The following GUCY2C variants were observed in gnomAD, a reference collection of about 807,000 sequenced individuals.
GUCY2C encodes the protein guanylate cyclase 2C.
In GUCY2C, 118 loss-of-function variants were observed where a neutral mutation model predicts 131.1. The ratio of observed to expected loss-of-function variants is 0.90; its 90% CI spans 0.78 to 1.05. GUCY2C has a LOEUF of 1.05. Among genes scored for constraint, GUCY2C ranks in the 50% least tolerant of loss-of-function variants. The pLI, the probability that GUCY2C is intolerant of heterozygous loss-of-function variation, is 0.00. For synonymous variants in GUCY2C, 452 were observed against 457.8 expected, an observed-to-expected ratio of 0.99 and a Z score of 0.16; for missense variants, 1,161 against 1,304.4, an observed-to-expected ratio of 0.89 and a Z score of 1.69.
intron 1 of GUCY2C, among the ~76,000 whole-genome samples, chr12:14,692,849 C>CAAAT (rs1948598452): frequency 6.6e-6 from 1 of 151,796 alleles, no homozygotes; most frequent in African/African-American, 2.4e-5. Flanking sequence ...TACTCTGTCC[C>CAAAT]GAATAAATAA....
chr12:14,689,805 A>G (rs1282786605), intron 1 of GUCY2C, among the ~76,000 whole-genome samples: 3 of 152,198 alleles, frequency 2.0e-5, no homozygotes, highest in African/African-American at 4.8e-5. Flanking sequence ...CTGTATTACA[A>G]TTTTTAGACC....
intron 8 of GUCY2C, among the ~76,000 whole-genome samples, 170 bp from the exon 9 acceptor site, chr12:14,673,128 C>T (rs1310822563): frequency 6.6e-6 from 1 of 152,114 alleles, no homozygotes; most frequent in Non-Finnish European, 1.5e-5. Context: ...GGCTTCTTAG[C>T]CCAGAGATCT....
rs1165877954 is a variant in GUCY2C at position 14,673,033 on chromosome 12, G to A, written c.1085-75C>T. ...CAGATAAGTTGGATCATGACAGAGA[G>A]TGTAAAATGGGTTCAAATAGCTCTG... is the stretch of plus-strand genomic sequence containing the variant. On this transcript the variant is annotated intron_variant, in intron 8 of 26. Transcript: ENST00000261170. 6.0e-6 allele frequency: 5 copies of A among 832,806 alleles called. No individual in the cohort carries two copies. In the African/African-American group the frequency reaches 6.7e-5, roughly 11 times the overall value. 51.6% of individuals were successfully genotyped at this position (832,806 alleles called of 1,614,324 possible).
At chr12:14,614,184 G>C (rs911844563) in intron 26 of GUCY2C, among the ~76,000 whole-genome samples, 6 of 152,096 alleles carry the variant, frequency 3.9e-5, no homozygotes, top group African/African-American at 1.4e-4. Flanking sequence ...AGCAAGCCTG[G>C]AACACAACGC....
chr12:14,633,999 T>C (rs1947208498), intron 19 of GUCY2C, among the ~76,000 whole-genome samples: 1 of 152,064 alleles, frequency 6.6e-6, no homozygotes, highest in African/African-American at 2.4e-5. Flanking sequence ...TTTAACAAAA[T>C]AATAGCAAGA....
At chr12:14,630,987 A>G (rs1378558857) in intron 19 of GUCY2C, among the ~76,000 whole-genome samples, 1 of 152,206 alleles carries the variant, frequency 6.6e-6, no homozygotes, top group African/African-American at 2.4e-5. Context: ...GACGAAAGAA[A>G]GGAATGAGGA....
At chr12:14,646,414 G>C (rs907022392) in intron 15 of GUCY2C, among the ~76,000 whole-genome samples, 2 of 152,172 alleles carry the variant, frequency 1.3e-5, no homozygotes, top group Admixed American at 6.5e-5. Context: ...ACAGAGGGGA[G>C]TTATGGGCAG....
At chr12:14,639,824 A>G (rs766511258) in intron 19 of GUCY2C, 38 bp downstream of exon 19, 2 of 1,214,776 alleles carry the variant, frequency 1.6e-6, no homozygotes, top group African/African-American at 1.5e-5. Context: ...GTAATTTTAT[A>G]GCAGGCCAAG....
intron 3 of GUCY2C, among the ~76,000 whole-genome samples, chr12:14,684,589 C>CT (rs781208689): frequency 0.24 from 349 of 1,472 alleles, 21 homozygotes; most frequent in Middle Eastern, 0.5. Context: ...TCCTTCCTTC[C>CT]TTCCTTCCTT....
chr12:14,614,834 T>G lies in GUCY2C; in HGVS notation c.3047+33A>C, dbSNP rs373571879. 747 of 1,372,024 alleles carry G rather than the reference T, an allele frequency of 5.4e-4. 1 individual carries two copies. Among genetic ancestry groups the G allele is most frequent in the Non-Finnish European group, 6.9e-4 (680 of 988,586 alleles). 85.0% of individuals were successfully genotyped at this position (1,372,024 alleles called of 1,614,324 possible). A position where few individuals can be genotyped will look rare whatever the true frequency, so the allele number is the denominator to read the frequency against. ...ACTAACAAAGCCAAGATCTCTAATT[T>G]CCTCCCTGTCCCTGCCACACCCAGA... On this transcript the variant is annotated intron_variant, in intron 26 of 26. Transcript: ENST00000261170.
rs771787305 is a variant in GUCY2C, at chr12:14,625,869, G to A, written c.2296C>T (p.Arg766Ter). Residue 766 changes from arginine to a stop codon, truncating the protein, a stop_gained, in exon 21 of 27, where the codon CGA becomes TGA. Transcript: ENST00000261170. LOFTEE classifies it high-confidence loss of function. The stretch of plus-strand genomic sequence containing the variant: ...TTTCGAGAATATAGCTGTAGACGTC[G>A]GATCAAGGTATCCATATAGCTTTCA... Reference protein sequence around the residue: ...KNESYMDTLIRRLQLYSRNLE... With the variant: ...KNESYMDTLI 19 of 1,613,354 alleles carry A rather than the reference G, an allele frequency of 1.2e-5. No homozygotes were observed. Among genetic ancestry groups the A allele is most frequent in the East Asian group, 1.1e-4 (5 of 44,878 alleles).
At chr12:14,634,179 C>T (rs983398791) in intron 19 of GUCY2C, among the ~76,000 whole-genome samples, 1 of 152,156 alleles carries the variant, frequency 6.6e-6, no homozygotes, top group Non-Finnish European at 1.5e-5. Context: ...ATCAGATTAA[C>T]AGTGAATTTC....
At chr12:14,643,234 A>G (rs548137577) in intron 17 of GUCY2C, among the ~76,000 whole-genome samples, 2 of 152,292 alleles carry the variant, frequency 1.3e-5, no homozygotes, top group South Asian at 4.1e-4. Flanking sequence ...TGTCCTCTAT[A>G]AAGGAAAAAG....
chr12:14,668,706 A>G (rs965969562), intron 10 of GUCY2C, among the ~76,000 whole-genome samples: 10 of 150,932 alleles, frequency 6.6e-5, no homozygotes, highest in Admixed American at 5.3e-4. Context: ...GATTTTTCCT[A>G]GTCACATGGA....
Position 14,614,911 on chromosome 12 carries a change from A to T in GUCY2C, c.3003T>A (p.Thr1001=), listed in dbSNP as rs1304697506. 3.2e-6 allele frequency: 5 copies of T among 1,584,116 alleles called. No individual in the cohort carries two copies. The highest frequency in any genetic ancestry group is 4.3e-6 in the Non-Finnish European group (5 of 1,168,340). Residue 1001 remains threonine, a synonymous_variant, in exon 26 of 27, where the codon ACT becomes ACA. Transcript: ENST00000261170. ...GGTTGAATTTCTGGTCCTTCATCCCAGTCAGCCAGTAGGTAGTCTCATTTC... is the reference window on the plus strand; with the variant it reads ...GGTTGAATTTCTGGTCCTTCATCCCTGTCAGCCAGTAGGTAGTCTCATTTC... ...GRGNETTYWL[T]GMKDQKFNLP...
chr12:14,625,805 T>C lies in GUCY2C; in HGVS notation c.2360A>G (p.Lys787Arg). 1 of 1,614,072 alleles carries C rather than the reference T, an allele frequency of 6.2e-7. No homozygotes were observed. The highest frequency in any genetic ancestry group is 8.5e-7 in the Non-Finnish European group (1 of 1,179,920). ...HLVEERTQLY[K>R]AERDRADRLN... The stretch of plus-strand genomic sequence containing the variant: ...TCTGTCAGCCCTGTCCCTCTCTGCC[T>C]TGTACAGCTGTGTCCTTTCCTCTAC... The change falls in exon 21 of 27, where the codon AAG (lysine) becomes AGG (arginine). Residue 787 changes from lysine (K) to arginine (R), a missense_variant. Physicochemically the swap from Lys to Arg is conservative, Grantham distance 26. Coordinates refer to ENST00000261170, the MANE Select transcript of GUCY2C (RefSeq NM_004963.4).
intron 12 of GUCY2C, 82 bp from the exon 13 acceptor site, chr12:14,653,096 C>A: frequency 9.9e-7 from 1 of 1,014,778 alleles, no homozygotes; most frequent in South Asian, 1.3e-5. Context: ...GAGGCTCTTC[C>A]AGGTGGGCTG....
chr12:14,624,389 T>C (rs1946961346), intron 21 of GUCY2C, among the ~76,000 whole-genome samples: 1 of 152,042 alleles, frequency 6.6e-6, no homozygotes, highest in Non-Finnish European at 1.5e-5. Context: ...TGCAGTGAGC[T>C]GAGCTCATGT....
chr12:14,669,715 A>G lies in GUCY2C; in HGVS notation c.1282+7T>C, dbSNP rs1948063882. The G allele has an allele frequency of 7.1e-7, 1 of 1,402,516 alleles. No individual in the cohort carries two copies. The highest frequency in any genetic ancestry group is 1.0e-6 in the Non-Finnish European group (1 of 998,498). The allele number at this position is 1,402,516 out of a possible 1,614,324, so 86.9% of individuals were successfully genotyped here. A position where few individuals can be genotyped will look rare whatever the true frequency, so the allele number is the denominator to read the frequency against. ...CAGGGAGAGAAAATTCATTAGGGAT[A>G]TCTTACCCCGGCCTGTAATATCATT... On this transcript the variant is annotated splice_region_variant and intron_variant, in intron 10 of 26. Transcript: ENST00000261170.
Sources: allele counts gnomAD v4.1 joint callset (sites outside exome capture counted in the v4.1 genomes callset), GRCh38; gene constraint gnomAD v4.1.1; transcripts MANE v1.5; gene names NCBI Gene and HGNC (gene_info 2026-07-23, HGNC 2026-07-21).